NMNAT2: variants seen among roughly 807,000 people sequenced by gnomAD.
NMNAT2 encodes the protein nicotinamide/nicotinic acid mononucleotide adenylyltransferase 2.
Under a neutral mutation model 41.6 loss-of-function variants are expected in NMNAT2, and 11 were observed. That is an observed-to-expected ratio of 0.26 (90% confidence interval 0.17 to 0.44). The LOEUF (loss-of-function observed/expected upper bound fraction) is 0.44, where lower values mean the gene tolerates loss of function less well. NMNAT2 is among the 20% of genes least tolerant of loss of function. The pLI, the probability that NMNAT2 is intolerant of heterozygous loss-of-function variation, is 1.00. For synonymous variants in NMNAT2, 148 were observed against 151.2 expected (o/e 0.98, Z 0.16); for missense variants, 288 against 407.7 (o/e 0.71, Z 2.53).
intron 1 of NMNAT2, among the ~76,000 whole-genome samples, chr1:183,305,989 T>C (rs1271877174): frequency 1.3e-5 from 2 of 152,206 alleles, no homozygotes; most frequent in Non-Finnish European, 2.9e-5. Flanking sequence ...CCCAAAGTGC[T>C]GGGATTATAG....
intron 8 of NMNAT2, among the ~76,000 whole-genome samples, chr1:183,276,487 G>A (rs1018402612): frequency 1.1e-4 from 17 of 152,186 alleles, no homozygotes; most frequent in African/African-American, 4.1e-4. Flanking sequence ...CTAACTGGGA[G>A]GAGAAGAGAG....
chr1:183,327,803 T>C (rs1218832214), intron 1 of NMNAT2, among the ~76,000 whole-genome samples: 1 of 152,114 alleles, frequency 6.6e-6, no homozygotes, highest in Non-Finnish European at 1.5e-5. Flanking sequence ...TTAGCTGCTG[T>C]TTTTTGTGTG....
intron 7 of NMNAT2, among the ~76,000 whole-genome samples, chr1:183,279,272 C>G (rs1571569097): frequency 2.0e-5 from 3 of 152,250 alleles, no homozygotes. Flanking sequence ...TCATTAAGCT[C>G]ACTCTGAATT....
chr1:183,321,402 T>C (rs1026603053), intron 1 of NMNAT2, among the ~76,000 whole-genome samples: 1 of 152,166 alleles, frequency 6.6e-6, no homozygotes, highest in Admixed American at 6.5e-5. Flanking sequence ...GGTTTGAGAA[T>C]GGTAGTGCCA....
chr1:183,305,641 G>A (rs1661975710), intron 1 of NMNAT2, among the ~76,000 whole-genome samples: 1 of 151,814 alleles, frequency 6.6e-6, no homozygotes, highest in Admixed American at 6.6e-5. Context: ...AGGCTGCAGT[G>A]CGGGGATTTT....
intron 1 of NMNAT2, among the ~76,000 whole-genome samples, chr1:183,335,512 A>T (rs1288263067): frequency 2.0e-5 from 3 of 152,256 alleles, no homozygotes; most frequent in African/African-American, 7.2e-5. Flanking sequence ...CTTTTGCAAC[A>T]GCCAAGCTTG....
At chr1:183,381,879 G>A (rs2101916233) in intron 1 of NMNAT2, among the ~76,000 whole-genome samples, 1 of 152,228 alleles carries the variant, frequency 6.6e-6, no homozygotes, top group Middle Eastern at 3.4e-3. Context: ...TCAAAGCAGA[G>A]AGAATAACAA....
At chr1:183,341,523 C>CAAAAAAAAA (rs33955752) in intron 1 of NMNAT2, among the ~76,000 whole-genome samples, 1 of 81,370 alleles carries the variant, frequency 1.2e-5, no homozygotes, top group African/African-American at 5.0e-5. Flanking sequence ...ACAAAAAATG[C>CAAAAAAAAA]AAAAAAAAAA....
intron 1 of NMNAT2, chr1:183,304,898 A>T (rs1661961098): frequency 6.9e-7 from 1 of 1,459,146 alleles, no homozygotes. Flanking sequence ...ACAGCCAGGA[A>T]ATGATTTATG....
intron 1 of NMNAT2, among the ~76,000 whole-genome samples, chr1:183,356,239 G>A (rs77729845): frequency 6.6e-6 from 1 of 152,332 alleles, no homozygotes; most frequent in Non-Finnish European, 1.5e-5. Flanking sequence ...CTTTAGTAGT[G>A]GTAGGGCAGG....
chr1:183,256,436 T>A (rs28807777), intron 10 of NMNAT2, among the ~76,000 whole-genome samples: 1 of 152,074 alleles, frequency 6.6e-6, no homozygotes, highest in African/African-American at 2.4e-5. Flanking sequence ...AATTAAAAAA[T>A]TTAAAAAATG....
chr1:183,361,050 C>T (rs1438672045), intron 1 of NMNAT2, among the ~76,000 whole-genome samples: 1 of 152,190 alleles, frequency 6.6e-6, no homozygotes. Flanking sequence ...CTCAGAGCTA[C>T]CACACTGAGC....
chr1:183,364,829 T>A (rs543041081), intron 1 of NMNAT2, among the ~76,000 whole-genome samples: 1 of 152,200 alleles, frequency 6.6e-6, no homozygotes, highest in East Asian at 1.9e-4. Flanking sequence ...GTAGGCGGGA[T>A]TACAGGTGCC....
intron 1 of NMNAT2, among the ~76,000 whole-genome samples, chr1:183,335,248 T>A (rs1434675947): frequency 6.6e-6 from 1 of 152,180 alleles, no homozygotes; most frequent in Admixed American, 6.5e-5. Flanking sequence ...AGCAACACCA[T>A]CTACTCAGAT....
chr1:183,304,689 T>A, intron 1 of NMNAT2: 1 of 1,614,042 alleles, frequency 6.2e-7, no homozygotes, highest in Non-Finnish European at 8.5e-7. Flanking sequence ...TAACAAACAC[T>A]TCCCAGAGCC....
chr1:183,255,649 T>TG (rs1558106313), intron 10 of NMNAT2, among the ~76,000 whole-genome samples: 1 of 147,834 alleles, frequency 6.8e-6, no homozygotes, highest in African/African-American at 2.5e-5. Flanking sequence ...CTTTGTTAAA[T>TG]TTATTCCTAA....
chr1:183,418,022 C>T (rs2101936100), intron 1 of NMNAT2, among the ~76,000 whole-genome samples, 161 bp downstream of exon 1: 1 of 152,328 alleles, frequency 6.6e-6, no homozygotes, highest in Non-Finnish European at 1.5e-5. Flanking sequence ...GCGTACCCTC[C>T]CCTGAGTCCA....
At chr1:183,273,131 CTG>C (rs1661026786) in intron 8 of NMNAT2, among the ~76,000 whole-genome samples, 1 of 152,234 alleles carries the variant, frequency 6.6e-6, no homozygotes, top group Admixed American at 6.5e-5. Flanking sequence ...TCAAATAAGA[CTG>C]TTTCTGTACT....
At chr1:183,287,191 A>AT (rs1661422766) in intron 4 of NMNAT2, among the ~76,000 whole-genome samples, 1 of 152,184 alleles carries the variant, frequency 6.6e-6, no homozygotes, top group South Asian at 2.1e-4. Flanking sequence ...CTCTGTCAGC[A>AT]GCAGGCGATG....
Sources: allele counts gnomAD v4.1 joint callset (sites outside exome capture counted in the v4.1 genomes callset), GRCh38; gene constraint gnomAD v4.1.1; transcripts MANE v1.5; gene names NCBI Gene and HGNC (gene_info 2026-07-23, HGNC 2026-07-21).